Variants in TMC5 observed in about 807,000 individuals in gnomAD.
The protein encoded by TMC5 is transmembrane channel like 5.
A neutral mutation model predicts 110.5 loss-of-function variants in TMC5; 86 were observed. That is an observed-to-expected ratio of 0.78 (90% confidence interval 0.65 to 0.93). The LOEUF (loss-of-function observed/expected upper bound fraction) is 0.93, where lower values mean the gene tolerates loss of function less well. Ranked by LOEUF, TMC5 falls within the 40% of genes least tolerant of loss-of-function variation. TMC5 has a pLI of 0.00. For synonymous variants in TMC5, 455 were observed against 439.5 expected (o/e 1.04, Z -0.44); for missense variants, 1,144 against 1,222.8 (o/e 0.94, Z 0.96).
intron 3 of TMC5, among the ~76,000 whole-genome samples, chr16:19,443,200 A>G (rs1237224772): frequency 6.6e-6 from 1 of 152,218 alleles, no homozygotes; most frequent in African/African-American, 2.4e-5. Flanking sequence ...CCTCAGTCAA[A>G]CCTTCAGAAC....
At chr16:19,478,708 A>G (rs1173205899) in intron 13 of TMC5, among the ~76,000 whole-genome samples, 1 of 152,094 alleles carries the variant, frequency 6.6e-6, no homozygotes, top group Non-Finnish European at 1.5e-5. Context: ...GCATGCATCC[A>G]TCTATCTGTC....
At chr16:19,421,700 GA>G (rs1966985798) in intron 1 of TMC5, among the ~76,000 whole-genome samples, 1 of 152,182 alleles carries the variant, frequency 6.6e-6, no homozygotes, top group African/African-American at 2.4e-5. Flanking sequence ...ATTGAATCTA[GA>G]AACTTCCCAA....
chr16:19,497,453 C>A (rs1969086055), intron 21 of TMC5, among the ~76,000 whole-genome samples: 1 of 152,216 alleles, frequency 6.6e-6, no homozygotes, highest in Non-Finnish European at 1.5e-5. Context: ...CTTCTTATAT[C>A]TTCTCAGAGT....
intron 2 of TMC5, among the ~76,000 whole-genome samples, chr16:19,433,154 A>G (rs1341254970): frequency 6.6e-6 from 1 of 152,184 alleles, no homozygotes; most frequent in Non-Finnish European, 1.5e-5. Context: ...AAATAACACT[A>G]TCTCAAAATC....
chr16:19,493,782 C>T (rs963344932), intron 19 of TMC5, among the ~76,000 whole-genome samples: 2 of 152,122 alleles, frequency 1.3e-5, no homozygotes, highest in African/African-American at 4.8e-5. Flanking sequence ...CTTTCTTTTA[C>T]TCTATAACCA....
intron 2 of TMC5, among the ~76,000 whole-genome samples, chr16:19,436,900 C>T (rs767687044): frequency 3.9e-5 from 6 of 152,116 alleles, no homozygotes; most frequent in Non-Finnish European, 5.9e-5. Flanking sequence ...TAACTTTGGC[C>T]GGTTGCAGTG....
Position 19,479,542 on chromosome 16 carries a change from A to T in TMC5, c.2267+14A>T, listed in dbSNP as rs1327587714. On this transcript the variant is annotated intron_variant, in intron 14 of 21. Transcript: ENST00000542583. ...GTTTCTGAGGAGGTAAATATTTGCCATTCTTAAGTAATTAGGGCCTGATGC... is the reference window on the plus strand; with the variant it reads ...GTTTCTGAGGAGGTAAATATTTGCCTTTCTTAAGTAATTAGGGCCTGATGC... The T allele has an allele frequency of 7.0e-6, 11 of 1,579,132 alleles. No homozygotes were observed. Among genetic ancestry groups the T allele is most frequent in the Non-Finnish European group, 9.6e-6 (11 of 1,148,450 alleles).
chr16:19,441,789 T>A lies in TMC5; in HGVS notation c.788+963T>A, dbSNP rs1459034661. Among the ~76,000 whole-genome samples, 3 of 152,274 alleles carry A rather than the reference T, an allele frequency of 2.0e-5. No individual in the cohort carries two copies. The East Asian group carries it at 5.8e-4, about 29-fold the overall frequency. On this transcript the variant is annotated intron_variant, in intron 3 of 21. Coordinates refer to ENST00000542583, the MANE Select transcript of TMC5 (RefSeq NM_001261841.2). ...CCGGTTTTTTGTTGTTGTTGTTTTT[T>A]ATTTATTTATTCATTCATTCATTCA...
chr16:19,471,997 G>A, intron 10 of TMC5, 91 bp from the exon 11 acceptor site: 2 of 1,345,480 alleles, frequency 1.5e-6, no homozygotes, highest in South Asian at 1.3e-5. Context: ...CTGACCTCAA[G>A]TGATCCACCC....
At chr16:19,489,760 C>T (rs957008401) in intron 17 of TMC5, among the ~76,000 whole-genome samples, 2 of 150,592 alleles carry the variant, frequency 1.3e-5, no homozygotes, top group African/African-American at 4.9e-5. Context: ...GCTGGAATTG[C>T]AGGCGAGCCA....
intron 4 of TMC5, among the ~76,000 whole-genome samples, chr16:19,448,756 C>T (rs538128550): frequency 0.073 from 10,331 of 141,758 alleles, 738 homozygotes; most frequent in African/African-American, 0.19. Flanking sequence ...ATATAGATTA[C>T]ATGTAACATA....
At chr16:19,437,926 T>A (rs1187987300) in intron 2 of TMC5, among the ~76,000 whole-genome samples, 1 of 152,168 alleles carries the variant, frequency 6.6e-6, no homozygotes, top group African/African-American at 2.4e-5. Context: ...TGACTGGGTT[T>A]ACATGCCCAT....
rs758966786 is a variant in TMC5 at position 19,477,481 on chromosome 16, A to G, written c.2132A>G (p.Tyr711Cys). The G allele has an allele frequency of 3.1e-6, 5 of 1,613,106 alleles. No individual in the cohort carries two copies. The highest frequency in any genetic ancestry group is 3.4e-6 in the Non-Finnish European group (4 of 1,179,462). The change falls in exon 13 of 22, where the codon TAC becomes TGC. Residue 711 changes from tyrosine to cysteine, a missense_variant. Physicochemically the swap from Tyr to Cys is radical, Grantham distance 194 (BLOSUM62 -2). Coordinates refer to ENST00000542583, the MANE Select transcript of TMC5 (RefSeq NM_001261841.2). ...ATATCAATCATTGGCATTCTTTGTT[A>G]CTATTGGCTCAACACCGTGGCCCTG... ...LKISIIGILCYYWLNTVALSG... is the reference protein window; with the variant it reads ...LKISIIGILCCYWLNTVALSG...
intron 6 of TMC5, among the ~76,000 whole-genome samples, chr16:19,461,102 AAT>A (rs1335626067): frequency 6.6e-6 from 1 of 152,222 alleles, no homozygotes; most frequent in Non-Finnish European, 1.5e-5. Context: ...GTAAAATCTG[AAT>A]AGTCTGGAGT....
intron 13 of TMC5, 91 bp downstream of exon 13, chr16:19,477,609 G>A (rs555945052): frequency 1.7e-4 from 141 of 848,128 alleles, no homozygotes; most frequent in African/African-American, 6.6e-4. Context: ...ATCACACTCC[G>A]TATTTGGTAT....
intron 15 of TMC5, among the ~76,000 whole-genome samples, chr16:19,483,126 G>A (rs1968656909): frequency 6.6e-6 from 1 of 152,058 alleles, no homozygotes; most frequent in Admixed American, 6.6e-5. Flanking sequence ...CTCCCAAAGT[G>A]CTGGGATTAT....
intron 8 of TMC5, among the ~76,000 whole-genome samples, chr16:19,465,063 TCCTTCCTTCCTTCCTTCCTTCC>T (rs1968144084): frequency 1.5e-5 from 1 of 65,900 alleles, no homozygotes; most frequent in Non-Finnish European, 3.1e-5. Flanking sequence ...TTCTTTTCCT[TCCTTCCTTCCTTCCTTCCTTCC>T]TTCCTTCCTT....
chr16:19,415,691 A>G (rs550456790), upstream of TMC5, among the ~76,000 whole-genome samples: 1 of 152,322 alleles, frequency 6.6e-6, no homozygotes, highest in African/African-American at 2.4e-5. Flanking sequence ...GTGTTCCTAG[A>G]GTCAAATGCT....
upstream of TMC5, among the ~76,000 whole-genome samples, chr16:19,413,352 C>T (rs903642079): frequency 6.6e-6 from 1 of 151,744 alleles, no homozygotes; most frequent in Non-Finnish European, 1.5e-5. Flanking sequence ...GGCAAGACCT[C>T]GTCTCTACTA....
Sources: allele counts gnomAD v4.1 joint callset (sites outside exome capture counted in the v4.1 genomes callset), GRCh38; gene constraint gnomAD v4.1.1; transcripts MANE v1.5; gene names NCBI Gene and HGNC (gene_info 2026-07-23, HGNC 2026-07-21).